The following RASIP1 variants were observed in gnomAD, a reference collection of about 807,000 sequenced individuals.
The protein encoded by RASIP1 is ras-interacting protein 1.
In RASIP1, 20 loss-of-function variants were observed where a neutral mutation model predicts 85.3. The observed-to-expected ratio is 0.23, with a 90% CI of 0.17 to 0.34. The LOEUF is 0.34. Among genes scored for constraint, RASIP1 ranks in the 10% least tolerant of loss-of-function variants. RASIP1 has a pLI of 1.00. For missense variants in RASIP1, 1,170 were observed against 1,390.9 expected (o/e 0.84, Z 2.53); for synonymous variants, 617 against 647.1 (o/e 0.95, Z 0.71).
intron 11 of RASIP1, 54 bp from the exon 12 acceptor site, chr19:48,721,051 G>C (rs2033225038): frequency 7.0e-7 from 1 of 1,430,028 alleles, no homozygotes; most frequent in South Asian, 1.3e-5. Context: ...TGAGGTAGTT[G>C]CATCGGGAAG....
intron 10 of RASIP1, among the ~76,000 whole-genome samples, chr19:48,723,125 G>A (rs2033279533): frequency 6.6e-6 from 1 of 152,000 alleles, no homozygotes; most frequent in Admixed American, 6.6e-5. Flanking sequence ...GGCTCAAGCG[G>A]TCCTTCCACC....
intron 4 of RASIP1, among the ~76,000 whole-genome samples, chr19:48,730,258 C>T (rs539617349): frequency 6.6e-6 from 1 of 152,104 alleles, no homozygotes; most frequent in East Asian, 1.9e-4. Flanking sequence ...CTCCGCCTCC[C>T]GGGTTCAAGC....
Position 48,724,987 on chromosome 19 carries a change from G to A in RASIP1, c.2128-27C>T. The A allele has an allele frequency of 1.2e-6, 2 of 1,604,022 alleles. No individual in the cohort carries two copies. The highest frequency in any genetic ancestry group is 1.7e-6 in the Non-Finnish European group (2 of 1,172,212). On this transcript the variant is annotated intron_variant, in intron 8 of 11. Transcript: ENST00000222145. The surrounding 1 kb of genome is among the most constrained non-coding windows in gnomAD (Gnocchi z 4.6). ...TGAGAAAATAGAGAAGTGGAAACAAGTGATTGGACTACAACTCCCAGGAAG... is the reference window on the plus strand; with the variant it reads ...TGAGAAAATAGAGAAGTGGAAACAAATGATTGGACTACAACTCCCAGGAAG...
rs781252011 is a variant in RASIP1, at chr19:48,739,233, C to A, written c.550G>T (p.Gly184Cys). 2.7e-6 allele frequency: 4 copies of A among 1,479,538 alleles called. No homozygotes were observed. The highest frequency in any genetic ancestry group is 2.3e-5 in the Admixed American group (1 of 43,006). The allele number at this position is 1,479,538 out of a possible 1,614,324, so 91.7% of individuals were successfully genotyped here. A position where few individuals can be genotyped will look rare whatever the true frequency, so the allele number is the denominator to read the frequency against. Residue 184 changes from glycine to cysteine, a missense_variant, in exon 3 of 12, where the codon GGC (glycine) becomes TGC (cysteine). Gly to Cys is a radical substitution (Grantham distance 159). Around this residue, in one of 4 missense-constraint regions of RASIP1, gnomAD observed 299 missense variants for 394.4 expected, o/e 0.76. Transcript: ENST00000222145. This position sits in a 1 kb window ranked among gnomAD's most constrained non-coding sequence, Gnocchi z 9.2. ...CCACCGCCGGGGCTGCCTGCTAGGC[C>A]GTAGCGCTCTAGCGCCTCGGCCACG... ...ELVAEALERY[G>C]LAGSPGGGPG...
In RASIP1 at chr19:48,735,187, G is replaced by A. The variant is rs377180211; in HGVS notation, c.1179+9C>T. 1.3e-6 allele frequency: 2 copies of A among 1,599,492 alleles called. No individual in the cohort carries two copies. The highest frequency in any genetic ancestry group is 1.7e-5 in the Admixed American group (1 of 59,394). On this transcript the variant is annotated intron_variant, in intron 4 of 11. Coordinates refer to ENST00000222145, the MANE Select transcript of RASIP1 (RefSeq NM_017805.3). ...GGCTCTGGGCGTGCGGGGCTGGGGC[G>A]GCGGTTACCTGGGCGTCCTGGTAGC...
In RASIP1 at chr19:48,738,858, C is replaced by G; in HGVS notation, c.823+102G>C. 1 of 1,055,628 alleles carries G rather than the reference C, an allele frequency of 9.5e-7. No homozygotes were observed. The highest frequency in any genetic ancestry group is 1.2e-6 in the Non-Finnish European group (1 of 854,302). The allele number at this position is 1,055,628 out of a possible 1,614,324, so 65.4% of individuals were successfully genotyped here. On this transcript the variant is annotated intron_variant, in intron 3 of 11. Coordinates refer to ENST00000222145, the MANE Select transcript of RASIP1 (RefSeq NM_017805.3). The surrounding 1 kb of genome is among the most constrained non-coding windows in gnomAD (Gnocchi z 4.0). ...CAGTCCCCTCCCGCGGGCCCCGCCC[C>G]CAGCCAGCCCGCGAGTCCCACAAGC...
In RASIP1 at chr19:48,733,300, C is replaced by T. The variant is rs77512339; in HGVS notation, c.1179+1896G>A. Among the ~76,000 whole-genome samples, 378 of 152,278 alleles carry T rather than the reference C, an allele frequency of 2.5e-3. 3 individuals are homozygous for T. The highest frequency in any genetic ancestry group is 6.8e-3 in the Middle Eastern group (2 of 294). On this transcript the variant is annotated intron_variant, in intron 4 of 11. Coordinates refer to ENST00000222145, the MANE Select transcript of RASIP1 (RefSeq NM_017805.3). ...TTGGCTTCCCAAAGTGCTGGGATTACAGGAGTGAGCCACTGTGCCCAGACA... is the reference window on the plus strand; with the variant it reads ...TTGGCTTCCCAAAGTGCTGGGATTATAGGAGTGAGCCACTGTGCCCAGACA...
chr19:48,730,083 G>A (rs2033426377), intron 4 of RASIP1, among the ~76,000 whole-genome samples: 1 of 151,970 alleles, frequency 6.6e-6, no homozygotes, highest in Non-Finnish European at 1.5e-5. Context: ...CACCCGCAAC[G>A]CCACTGAGTG....
At chr19:48,728,606 T>C (rs542038523) in intron 5 of RASIP1, among the ~76,000 whole-genome samples, 4 of 151,878 alleles carry the variant, frequency 2.6e-5, no homozygotes, top group African/African-American at 4.8e-5. Context: ...TTACTAAAAA[T>C]ACAAAAAATT....
chr19:48,721,525 A>G (rs909574785), intron 11 of RASIP1, among the ~76,000 whole-genome samples: 1 of 152,062 alleles, frequency 6.6e-6, no homozygotes, highest in African/African-American at 2.4e-5. Context: ...AAAAGAAGAA[A>G]GGTGAGGTGG....
chr19:48,730,081 A>G (rs1230020220), intron 4 of RASIP1, among the ~76,000 whole-genome samples: 2 of 152,110 alleles, frequency 1.3e-5, no homozygotes, highest in East Asian at 1.9e-4. Flanking sequence ...AGCACCCGCA[A>G]CGCCACTGAG....
intron 5 of RASIP1, among the ~76,000 whole-genome samples, chr19:48,727,682 CTT>C (rs778318979): frequency 1.6e-4 from 19 of 121,778 alleles, no homozygotes; most frequent in Non-Finnish European, 1.2e-4. Context: ...CATACGGATT[CTT>C]TTTTTTTTTT....
intron 5 of RASIP1, among the ~76,000 whole-genome samples, chr19:48,728,247 C>G (rs981018899): frequency 5.3e-5 from 8 of 152,192 alleles, no homozygotes; most frequent in Admixed American, 5.2e-4. Context: ...AGAATGAACT[C>G]GCTCACTGCT....
In RASIP1 at chr19:48,720,751, G is replaced by A; in HGVS notation, c.*47C>T. On this transcript the variant is annotated 3_prime_UTR_variant, in exon 12 of 12. Coordinates refer to ENST00000222145, the MANE Select transcript of RASIP1 (RefSeq NM_017805.3). ...GCGCTCAGGCGGGCTCCTGTCCGTA[G>A]AAGCCCGTGACATTTCAAGGTTCGC... 5.7e-6 allele frequency: 9 copies of A among 1,589,298 alleles called. No individual in the cohort carries two copies. Among genetic ancestry groups the A allele is most frequent in the South Asian group, 1.1e-5 (1 of 90,478 alleles).
Position 48,720,909 on chromosome 19 carries a change from G to A in RASIP1, c.2781C>T (p.Asp927=). Residue 927 remains aspartate (D), a synonymous_variant, in exon 12 of 12, where the codon GAC becomes GAT. Transcript: ENST00000222145. ...SRLRLTGPVT[D]DALHRELRRL... ...TACGGAGTTCACGGTGCAAGGCATC[G>A]TCCGTCACTGGACCAGTGAGGCGCA... 2 of 1,613,846 alleles carry A rather than the reference G, an allele frequency of 1.2e-6. No individual in the cohort carries two copies. The highest frequency in any genetic ancestry group is 1.1e-5 in the South Asian group (1 of 91,082).
intron 4 of RASIP1, among the ~76,000 whole-genome samples, chr19:48,733,438 T>A (rs1419854473): frequency 2.0e-5 from 3 of 152,206 alleles, no homozygotes; most frequent in African/African-American, 7.2e-5. Context: ...GTAAAATAGA[T>A]AGAAGGATCA....
rs144396280 is a variant in RASIP1 at position 48,721,764 on chromosome 19, T to C, written c.2692+90A>G. 1,400 of 1,452,702 alleles carry C rather than the reference T, an allele frequency of 9.6e-4. 8 individuals are homozygous for C. In the African/African-American group the frequency reaches 0.018, roughly 19 times the overall value. 90.0% of individuals were successfully genotyped at this position (1,452,702 alleles called of 1,614,324 possible). A position where few individuals can be genotyped will look rare whatever the true frequency, so the allele number is the denominator to read the frequency against. ...GTTGCAGTGAGCCAAGATCGCGCCA[T>C]TGCACTCCAGCCTGAGTGACAGGGC... On this transcript the variant is annotated intron_variant, in intron 11 of 11. Coordinates refer to ENST00000222145, the MANE Select transcript of RASIP1 (RefSeq NM_017805.3).
At position 48,729,504 on chromosome 19, in the gene RASIP1, G is replaced by C; in HGVS notation, c.1266C>G (p.Pro422=). The C allele has an allele frequency of 1.3e-6, 2 of 1,594,440 alleles. No homozygotes were observed. Among genetic ancestry groups the C allele is most frequent in the Non-Finnish European group, 1.7e-6 (2 of 1,171,182 alleles). ...NSSGRGGSPA[P]YVDTFLNAPD... The stretch of plus-strand genomic sequence containing the variant: ...GGGCGTTGAGGAAGGTGTCCACATA[G>C]GGAGCCGGGGACCCCCCGCGGCCAG... Residue 422 remains proline, a synonymous_variant, in exon 5 of 12, where the codon CCC becomes CCG. Coordinates refer to ENST00000222145, the MANE Select transcript of RASIP1 (RefSeq NM_017805.3).
intron 4 of RASIP1, among the ~76,000 whole-genome samples, chr19:48,731,406 C>T (rs999380848): frequency 6.6e-6 from 1 of 152,090 alleles, no homozygotes; most frequent in Non-Finnish European, 1.5e-5. Flanking sequence ...CATCAATGGA[C>T]GTTCTCAATA....
Sources: allele counts gnomAD v4.1 joint callset (sites outside exome capture counted in the v4.1 genomes callset), GRCh38; gene constraint gnomAD v4.1.1; regional missense constraint gnomAD v4.1.1; non-coding constraint Gnocchi (gnomAD v3.1); transcripts MANE v1.5; gene names NCBI Gene and HGNC (gene_info 2026-07-23, HGNC 2026-07-21).